The following DNAAF5 variants were observed in gnomAD, a reference collection of about 807,000 sequenced individuals.
The protein encoded by DNAAF5 is HEAT repeat containing 2.
In DNAAF5, 64 loss-of-function variants were observed where a neutral mutation model predicts 75.8. That is an observed-to-expected ratio of 0.84 (90% CI 0.69 to 1.04). DNAAF5 has a LOEUF of 1.04. Among genes scored for constraint, DNAAF5 ranks in the 50% least tolerant of loss-of-function variants. DNAAF5 has a pLI of 0.00. For synonymous variants in DNAAF5, 657 were observed against 557.2 expected (o/e 1.18, Z -2.52); for missense variants, 1,269 against 1,178.5 (o/e 1.08, Z -1.12).
At position 754,765 on chromosome 7, in the gene DNAAF5, G is replaced by C. The variant is rs751208424; in HGVS notation, c.1201G>C (p.Val401Leu). ...EDHATQHLEV[V>L]LRTLFQACTD... Reference sequence around the variant, plus strand: ...CCACGCCACGCAGCACCTGGAGGTCGTCCTCCGGACCCTGTTCCAGGCCTG... The same window carrying C: ...CCACGCCACGCAGCACCTGGAGGTCCTCCTCCGGACCCTGTTCCAGGCCTG... Residue 401 changes from valine to leucine, a missense_variant, in exon 5 of 13, where the codon GTC becomes CTC. Coordinates refer to ENST00000297440, the MANE Select transcript of DNAAF5 (RefSeq NM_017802.4). The surrounding 1 kb of genome is among the most constrained non-coding windows in gnomAD (Gnocchi z 4.8). The C allele has an allele frequency of 6.2e-7, 1 of 1,613,262 alleles. No individual in the cohort carries two copies. Among genetic ancestry groups the C allele is most frequent in the East Asian group, 2.2e-5 (1 of 44,856 alleles).
intron 8 of DNAAF5, chr7:768,997 C>T: frequency 3.3e-6 from 2 of 604,382 alleles, no homozygotes; most frequent in Non-Finnish European, 6.0e-6. Flanking sequence ...CGGTGCAACG[C>T]CTCCTGCCCG....
chr7:751,346 C>T (rs1782286347), intron 4 of DNAAF5, among the ~76,000 whole-genome samples: 1 of 151,842 alleles, frequency 6.6e-6, no homozygotes, highest in African/African-American at 2.4e-5. Context: ...TTAAAACATA[C>T]CCTTTAGCCT....
In DNAAF5 at chr7:754,813, G is replaced by A. The variant is rs145938269; in HGVS notation, c.1249G>A (p.Val417Ile). The A allele has an allele frequency of 5.9e-5, 94 of 1,602,960 alleles. No individual in the cohort carries two copies. The highest frequency in any genetic ancestry group is 1.7e-4 in the Middle Eastern group (1 of 5,910). Residue 417 changes from valine (V) to isoleucine (I), a missense_variant, in exon 5 of 13, where the codon GTC (valine) becomes ATC (isoleucine). Transcript: ENST00000297440. The surrounding 1 kb of genome is among the most constrained non-coding windows in gnomAD (Gnocchi z 4.8). ...CTGCACCGACGAGGAGGCAGCCGTG[G>A]TCCAAAGTGTAAGTGGCCGTATTCC... ...QACTDEEAAV[V>I]QSCTRSAELV...
At chr7:768,893 T>C (rs1778452771) in intron 8 of DNAAF5, 1 of 508,002 alleles carries the variant, frequency 2.0e-6, no homozygotes, top group Non-Finnish European at 3.6e-6. Context: ...AGTCAGAAAC[T>C]GGGTCAGAAG....
rs150657745 is a variant in DNAAF5, at chr7:775,010, G to C, written c.2087G>C (p.Arg696Pro). ...GTATGTGTTTGCTGATTGCAGATACGGGACGTGCAGGAAACACTGATGCCC... is the reference window on the plus strand; with the variant it reads ...GTATGTGTTTGCTGATTGCAGATACCGGACGTGCAGGAAACACTGATGCCC... Reference protein sequence around the residue: ...SSEVLSAEQIRDVQETLMPQV... With the variant: ...SSEVLSAEQIPDVQETLMPQV... Residue 696 changes from arginine to proline, a missense_variant, in exon 11 of 13, where the codon CGG becomes CCG. Arg to Pro is a moderately radical substitution (Grantham distance 103). Coordinates refer to ENST00000297440, the MANE Select transcript of DNAAF5 (RefSeq NM_017802.4). 1 of 1,613,916 alleles carries C rather than the reference G, an allele frequency of 6.2e-7. No individual in the cohort carries two copies. The highest frequency in any genetic ancestry group is 2.2e-5 in the East Asian group (1 of 44,880).
rs997702033 is a variant in DNAAF5 at position 726,889 on chromosome 7, C to T, written c.169C>T (p.Leu57=). 10 of 1,333,716 alleles carry T rather than the reference C, an allele frequency of 7.5e-6. No individual in the cohort carries two copies. Among genetic ancestry groups the T allele is most frequent in the Admixed American group, 7.3e-5 (2 of 27,336 alleles). The allele number at this position is 1,333,716 out of a possible 1,614,324, so 82.6% of individuals were successfully genotyped here. Residue 57 remains leucine (L), a synonymous_variant, in exon 1 of 13, where the codon CTG becomes TTG. Coordinates refer to ENST00000297440, the MANE Select transcript of DNAAF5 (RefSeq NM_017802.4). Reference sequence around the variant, plus strand: ...CGCCTTGGAGGCCCTGCGGCGCGCGCTGGAGGAGCCAGGCCCTGCCGCCGA... The same window carrying T: ...CGCCTTGGAGGCCCTGCGGCGCGCGTTGGAGGAGCCAGGCCCTGCCGCCGA... ...RRALEALRRA[L]EEPGPAADPT...
chr7:781,748 G>C (rs1778953509), intron 12 of DNAAF5, among the ~76,000 whole-genome samples: 1 of 152,222 alleles, frequency 6.6e-6, no homozygotes, highest in Admixed American at 6.5e-5. Flanking sequence ...GAGCGGTGGT[G>C]GTGGGCACCT....
At chr7:784,013 ACGCCGCCCC>A (rs1375888590) in intron 12 of DNAAF5, among the ~76,000 whole-genome samples, 4 of 68,370 alleles carry the variant, frequency 5.9e-5, no homozygotes, top group Admixed American at 3.2e-4. Context: ...GATGCCCTGT[ACGCCGCCCC>A]CACCTCCCCC....
intron 6 of DNAAF5, 112 bp downstream of exon 6, chr7:757,106 C>T (rs559340470): frequency 2.8e-6 from 3 of 1,057,706 alleles, no homozygotes; most frequent in South Asian, 3.1e-5. Context: ...GCTGGGCTGT[C>T]GGAAGCACCC....
chr7:785,357 T>G (rs958896759), intron 12 of DNAAF5, among the ~76,000 whole-genome samples, 160 bp from the exon 13 acceptor site: 1 of 151,264 alleles, frequency 6.6e-6, no homozygotes, highest in Non-Finnish European at 1.5e-5. Context: ...GGATCACTCG[T>G]ATCCGCATTG....
Position 775,054 on chromosome 7 carries a change from G to A in DNAAF5, c.2131G>A (p.Glu711Lys). The change falls in exon 11 of 13, where the codon GAG (glutamate) becomes AAG (lysine). Residue 711 changes from glutamate (E) to lysine (K), a missense_variant. Physicochemically the swap from Glu to Lys is moderately conservative, Grantham distance 56. Coordinates refer to ENST00000297440, the MANE Select transcript of DNAAF5 (RefSeq NM_017802.4). ...GATGCCCCAGGTCCTGACCACCCTG[G>A]AGGAGGATTCGAAGATGACGCGACT... is the stretch of plus-strand genomic sequence containing the variant. ...TLMPQVLTTL[E>K]EDSKMTRLIS... 3 of 1,614,054 alleles carry A rather than the reference G, an allele frequency of 1.9e-6. No individual in the cohort carries two copies. The highest frequency in any genetic ancestry group is 1.1e-5 in the South Asian group (1 of 91,078).
intron 2 of DNAAF5, among the ~76,000 whole-genome samples, chr7:740,383 G>A (rs1281485378): frequency 6.6e-6 from 1 of 152,222 alleles, no homozygotes. Flanking sequence ...TGGCCACGGT[G>A]CACCACACTT....
intron 2 of DNAAF5, among the ~76,000 whole-genome samples, chr7:734,373 A>T (rs931437253): frequency 1.3e-5 from 2 of 152,226 alleles, no homozygotes; most frequent in East Asian, 1.9e-4. Flanking sequence ...CTTGTCCTTC[A>T]TTCTGCCGAT....
chr7:759,627 C>T (rs1015406406), intron 6 of DNAAF5, among the ~76,000 whole-genome samples: 31 of 151,556 alleles, frequency 2.0e-4, no homozygotes, highest in Non-Finnish European at 4.4e-4. Flanking sequence ...TTTTCTTTTT[C>T]GTTCTGTGTG....
In DNAAF5 at chr7:774,065, T is replaced by G. The variant is rs749488284; in HGVS notation, c.1949T>G (p.Leu650Arg). ...INSQGQFPSY[L>R]ETVTKDILAP... ...GGTTCCAGGCAGTTTCCCAGCTACC[T>G]CGAGACGGTGACAAAGGACATCCTG... The change falls in exon 10 of 13, where the codon CTC becomes CGC. Residue 650 changes from leucine to arginine, a missense_variant. By Grantham distance (102) the Leu-to-Arg change is moderately radical (BLOSUM62 -2). Coordinates refer to ENST00000297440, the MANE Select transcript of DNAAF5 (RefSeq NM_017802.4). 1.2e-6 allele frequency: 2 copies of G among 1,614,022 alleles called. No homozygotes were observed. Among genetic ancestry groups the G allele is most frequent in the Admixed American group, 3.3e-5 (2 of 60,022 alleles).
intron 6 of DNAAF5, among the ~76,000 whole-genome samples, chr7:761,310 A>G (rs1021811769): frequency 6.6e-6 from 1 of 152,244 alleles, no homozygotes; most frequent in African/African-American, 2.4e-5. Context: ...GCCGTAGACT[A>G]GGAGCCCCGG....
At chr7:729,947 G>A (rs976729280) in intron 2 of DNAAF5, 100 bp downstream of exon 2, 17 of 1,135,464 alleles carry the variant, frequency 1.5e-5, no homozygotes, top group Middle Eastern at 2.0e-4. Flanking sequence ...TCAGAGTGCT[G>A]TATGCACCAA....
chr7:775,124 G>A lies in DNAAF5; in HGVS notation c.2201G>A (p.Gly734Asp). The stretch of plus-strand genomic sequence containing the variant: ...AACACGTTCTTAAAAACCTCGGGCG[G>A]CATGACGGATCCAGAGAAACTCATC... ...IINTFLKTSG[G>D]MTDPEKLIRI... The change falls in exon 11 of 13, where the codon GGC (glycine) becomes GAC (aspartate). Residue 734 changes from glycine (G) to aspartate (D), a missense_variant. Transcript: ENST00000297440. The A allele has an allele frequency of 6.2e-7, 1 of 1,614,160 alleles. No homozygotes were observed. The highest frequency in any genetic ancestry group is 8.5e-7 in the Non-Finnish European group (1 of 1,180,008).
chr7:775,295 T>A, intron 11 of DNAAF5, 133 bp downstream of exon 11: 1 of 810,278 alleles, frequency 1.2e-6, no homozygotes, highest in Non-Finnish European at 2.0e-6. Flanking sequence ...GGTTCACACC[T>A]TTAATTCCAG....
Sources: allele counts gnomAD v4.1 joint callset (sites outside exome capture counted in the v4.1 genomes callset), GRCh38; gene constraint gnomAD v4.1.1; non-coding constraint Gnocchi (gnomAD v3.1); transcripts MANE v1.5; gene names NCBI Gene and HGNC (gene_info 2026-07-23, HGNC 2026-07-21).